TAS1R1: variants seen among roughly 807,000 people sequenced by gnomAD.
TAS1R1 encodes taste 1 receptor member 1.
A neutral mutation model predicts 45.8 loss-of-function variants in TAS1R1; 31 were observed. The ratio of observed to expected loss-of-function variants is 0.68; its 90% confidence interval spans 0.51 to 0.91. The LOEUF is 0.91. TAS1R1 is among the 40% of genes least tolerant of loss of function. The pLI, the probability that TAS1R1 is intolerant of heterozygous loss-of-function variation, is 0.00. For synonymous variants in TAS1R1, 437 were observed against 448.4 expected, an observed-to-expected ratio of 0.97 and a Z score of 0.32; for missense variants, 1,051 against 1,063.9, an observed-to-expected ratio of 0.99 and a Z score of 0.17.
At chr1:6,576,288 G>T in intron 3 of TAS1R1, 127 bp from the exon 4 acceptor site, 1 of 831,674 alleles carries the variant, frequency 1.2e-6, no homozygotes, top group South Asian at 1.6e-5. Flanking sequence ...TAAGAAGGAA[G>T]GGACGAGACC....
chr1:6,558,953 G>A (rs992134527), intron 1 of TAS1R1, among the ~76,000 whole-genome samples: 51 of 113,710 alleles, frequency 4.5e-4, no homozygotes, highest in Non-Finnish European at 2.0e-4. Context: ...GTGCAGTGGC[G>A]CGATCTCGGC....
chr1:6,556,645 G>A (rs1216523158), intron 1 of TAS1R1, among the ~76,000 whole-genome samples: 6 of 151,670 alleles, frequency 4.0e-5, no homozygotes, highest in East Asian at 2.0e-4. Context: ...CAGGTGATCC[G>A]CCCACCTCGG....
intron 1 of TAS1R1, 47 bp downstream of exon 1, chr1:6,555,611 T>TA (rs1272804189): frequency 1.3e-6 from 2 of 1,510,052 alleles, no homozygotes; most frequent in African/African-American, 1.4e-5. Context: ...CCCCTGGCTA[T>TA]AGGGCCCCTC....
At chr1:6,563,665 G>C (rs563050369) in intron 1 of TAS1R1, among the ~76,000 whole-genome samples, 1 of 152,244 alleles carries the variant, frequency 6.6e-6, no homozygotes, top group East Asian at 1.9e-4. Context: ...AGTGGGGAGG[G>C]AGTTAAGCTA....
chr1:6,563,751 C>T (rs184660042), intron 1 of TAS1R1, among the ~76,000 whole-genome samples: 34 of 151,936 alleles, frequency 2.2e-4, no homozygotes, highest in African/African-American at 5.1e-4. Flanking sequence ...GGATTAGGAG[C>T]GGTAGATAGG....
chr1:6,575,606 C>T (rs956484756), intron 3 of TAS1R1, among the ~76,000 whole-genome samples: 1 of 152,272 alleles, frequency 6.6e-6, no homozygotes, highest in Non-Finnish European at 1.5e-5. Flanking sequence ...GCAACTTCCA[C>T]CTCCTGGGTT....
At position 6,574,856 on chromosome 1, in the gene TAS1R1, A is replaced by G. The variant is rs372570431; in HGVS notation, c.724A>G (p.Lys242Glu). The change falls in exon 3 of 6, where the codon AAG becomes GAG. Residue 242 changes from lysine (K) to glutamate (E), a missense_variant. Coordinates refer to ENST00000333172, the MANE Select transcript of TAS1R1 (RefSeq NM_138697.4). The surrounding 1 kb of genome is among the most constrained non-coding windows in gnomAD (Gnocchi z 4.3). ...TGGTCAGGGGATCTGCATTGCTTTCAAGGACATCATGCCCTTCTCTGCCCA... is the reference window on the plus strand; with the variant it reads ...TGGTCAGGGGATCTGCATTGCTTTCGAGGACATCATGCCCTTCTCTGCCCA... ...ATGQGICIAFKDIMPFSAQVG... is the reference protein window; with the variant it reads ...ATGQGICIAFEDIMPFSAQVG... The G allele has an allele frequency of 6.2e-7, 1 of 1,614,134 alleles. No homozygotes were observed. Among genetic ancestry groups the G allele is most frequent in the African/African-American group, 1.3e-5 (1 of 74,948 alleles).
chr1:6,578,118 C>A (rs755420905), intron 5 of TAS1R1, among the ~76,000 whole-genome samples: 19 of 152,248 alleles, frequency 1.2e-4, no homozygotes, highest in Non-Finnish European at 1.5e-4. Context: ...AATGCAAGGT[C>A]AAGAACAGAG....
intron 1 of TAS1R1, among the ~76,000 whole-genome samples, chr1:6,560,929 A>G (rs1443123201): frequency 7.3e-6 from 1 of 137,090 alleles, no homozygotes; most frequent in Non-Finnish European, 1.5e-5. Context: ...GCTTGCAGTG[A>G]GCCGAGATCA....
intron 1 of TAS1R1, among the ~76,000 whole-genome samples, chr1:6,560,783 C>T (rs1264607426): frequency 6.6e-6 from 1 of 152,042 alleles, no homozygotes; most frequent in East Asian, 1.9e-4. Context: ...GAGATCGAGA[C>T]CATCCTGGCT....
intron 1 of TAS1R1, among the ~76,000 whole-genome samples, chr1:6,564,331 C>T (rs956474827): frequency 5.9e-5 from 9 of 151,892 alleles, no homozygotes; most frequent in East Asian, 1.9e-4. Context: ...AGGGCCTGGT[C>T]GGCTTGTTCG....
Position 6,574,725 on chromosome 1 carries a change from C to T in TAS1R1, c.593C>T (p.Thr198Ile). The T allele has an allele frequency of 6.2e-7, 1 of 1,614,242 alleles. No homozygotes were observed. The highest frequency in any genetic ancestry group is 8.5e-7 in the Non-Finnish European group (1 of 1,180,050). The change falls in exon 3 of 6, where the codon ACC (threonine) becomes ATC (isoleucine). Residue 198 changes from threonine (T) to isoleucine (I), a missense_variant. Thr to Ile is a moderately conservative substitution (Grantham distance 89, BLOSUM62 -1). Coordinates refer to ENST00000333172, the MANE Select transcript of TAS1R1 (RefSeq NM_138697.4). The surrounding 1 kb of genome is among the most constrained non-coding windows in gnomAD (Gnocchi z 4.3). ...TIPNDKYQVE[T>I]MVLLLQKFGW... ...CCCAATGACAAGTACCAGGTGGAGACCATGGTGCTGCTGCTGCAGAAGTTC... is the reference window on the plus strand; with the variant it reads ...CCCAATGACAAGTACCAGGTGGAGATCATGGTGCTGCTGCTGCAGAAGTTC...
At chr1:6,577,981 G>C (rs553998427) in intron 5 of TAS1R1, among the ~76,000 whole-genome samples, 7 of 152,314 alleles carry the variant, frequency 4.6e-5, no homozygotes, top group African/African-American at 1.4e-4. Context: ...TGTTCCCTTT[G>C]TGCCCTCTTG....
chr1:6,559,896 A>G (rs1182311385), intron 1 of TAS1R1, among the ~76,000 whole-genome samples: 1 of 151,336 alleles, frequency 6.6e-6, no homozygotes, highest in African/African-American at 2.4e-5. Context: ...AGGCTGAGGC[A>G]GGAGAATCAC....
chr1:6,570,795 TG>T, intron 1 of TAS1R1, 113 bp from the exon 2 acceptor site: 1 of 915,488 alleles, frequency 1.1e-6, no homozygotes, highest in Non-Finnish European at 1.6e-6. Context: ...TTTGGGGGAC[TG>T]GACCGATGAC....
intron 2 of TAS1R1, among the ~76,000 whole-genome samples, chr1:6,572,862 A>T (rs1055623562): frequency 4.0e-5 from 6 of 150,422 alleles, no homozygotes; most frequent in Admixed American, 2.0e-4. Flanking sequence ...GATTGACCTT[A>T]CCTCCCTACA....
At chr1:6,570,832 C>T (rs1639989999) in intron 1 of TAS1R1, 77 bp from the exon 2 acceptor site, 9 of 1,374,780 alleles carry the variant, frequency 6.5e-6, no homozygotes, top group South Asian at 2.8e-5. Flanking sequence ...TGCTCCCAAG[C>T]CTCAGAGTCT....
At chr1:6,561,210 G>A (rs1273166853) in intron 1 of TAS1R1, among the ~76,000 whole-genome samples, 1 of 152,182 alleles carries the variant, frequency 6.6e-6, no homozygotes, top group African/African-American at 2.4e-5. Context: ...AGGGTGCCTA[G>A]GGGTTACAAA....
At chr1:6,577,874 A>G (rs1462510825) in intron 5 of TAS1R1, among the ~76,000 whole-genome samples, 1 of 152,182 alleles carries the variant, frequency 6.6e-6, no homozygotes, top group Admixed American at 6.6e-5. Context: ...AAAGCCTTAG[A>G]CTGAGGTGTG....
Sources: allele counts gnomAD v4.1 joint callset (sites outside exome capture counted in the v4.1 genomes callset), GRCh38; gene constraint gnomAD v4.1.1; non-coding constraint Gnocchi (gnomAD v3.1); transcripts MANE v1.5; gene names NCBI Gene and HGNC (gene_info 2026-07-23, HGNC 2026-07-21).